STK33: variants seen among roughly 807,000 people sequenced by gnomAD.
STK33 encodes the protein serine/threonine kinase 33.
STK33 carries 52 observed loss-of-function variants against 58.0 expected under a neutral mutation model. The ratio of observed to expected loss-of-function variants is 0.90; its 90% CI spans 0.72 to 1.13. The LOEUF is 1.13. Ranked by LOEUF, STK33 falls within the 50% of genes most tolerant of loss-of-function variation. STK33 has a pLI of 0.00. For missense variants in STK33, 630 were observed against 604.2 expected (o/e 1.04, Z -0.45); for synonymous variants, 215 against 200.1 (o/e 1.07, Z -0.63).
chr11:8,428,548 G>C (rs1362071694), intron 14 of STK33, among the ~76,000 whole-genome samples: 1 of 152,148 alleles, frequency 6.6e-6, no homozygotes, highest in Non-Finnish European at 1.5e-5. Flanking sequence ...AGGAACCAGA[G>C]TCTCCTCCAG....
At chr11:8,378,822 T>C in the STK33 span, among the ~76,000 whole-genome samples, 1,041 of 151,598 alleles carry the variant, frequency 6.9e-3, 5 homozygotes, top group Admixed American at 0.013. Flanking sequence ...ACCAAAAAAG[T>C]CCCAAGTACC....
intron 1 of STK33, among the ~76,000 whole-genome samples, chr11:8,575,417 C>T (rs1413547319): frequency 6.6e-6 from 1 of 152,134 alleles, no homozygotes; most frequent in Non-Finnish European, 1.5e-5. Context: ...GACTATTATC[C>T]AGCCACAAAA....
chr11:8,342,201 A>G, the STK33 span, among the ~76,000 whole-genome samples: 2 of 152,218 alleles, frequency 1.3e-5, no homozygotes, highest in Non-Finnish European at 2.9e-5. Context: ...CTAAGCAGCT[A>G]AAACTCTGGG....
At chr11:8,360,758 C>T in the STK33 span, among the ~76,000 whole-genome samples, 3 of 152,240 alleles carry the variant, frequency 2.0e-5, no homozygotes, top group African/African-American at 7.2e-5. Context: ...CGCCTGCATT[C>T]CTTGTCATGT....
chr11:8,501,546 G>A (rs1951517140), intron 1 of STK33, among the ~76,000 whole-genome samples: 1 of 152,074 alleles, frequency 6.6e-6, no homozygotes, highest in Admixed American at 6.6e-5. Flanking sequence ...AACAAGTGCT[G>A]GAGAGTGTAT....
chr11:8,569,785 C>T (rs1957679149), intron 1 of STK33, among the ~76,000 whole-genome samples: 1 of 151,812 alleles, frequency 6.6e-6, no homozygotes, highest in South Asian at 2.1e-4. Flanking sequence ...GGCAAAACCC[C>T]ATCTCTACAA....
the STK33 span, among the ~76,000 whole-genome samples, chr11:8,382,009 A>G: frequency 6.6e-6 from 1 of 152,046 alleles, no homozygotes; most frequent in Non-Finnish European, 1.5e-5. Flanking sequence ...CTGTAACCAC[A>G]GTATGCACCG....
chr11:8,439,594 T>C (rs888813063), intron 12 of STK33, among the ~76,000 whole-genome samples: 1 of 151,596 alleles, frequency 6.6e-6, no homozygotes, highest in African/African-American at 2.4e-5. Flanking sequence ...GGAGAGAATC[T>C]TACAGAGAAA....
At chr11:8,347,661 G>C in the STK33 span, among the ~76,000 whole-genome samples, 1 of 152,218 alleles carries the variant, frequency 6.6e-6, no homozygotes, top group Non-Finnish European at 1.5e-5. Flanking sequence ...ACACTGGCCA[G>C]AACTAGTCAT....
intron 14 of STK33, among the ~76,000 whole-genome samples, chr11:8,431,356 A>T (rs2136163554): frequency 6.6e-6 from 1 of 152,314 alleles, no homozygotes; most frequent in African/African-American, 2.4e-5. Context: ...CCATCCTCTT[A>T]TATAGAGTAT....
At chr11:8,496,576 T>C (rs1461799510) in intron 1 of STK33, among the ~76,000 whole-genome samples, 1 of 151,684 alleles carries the variant, frequency 6.6e-6, no homozygotes, top group African/African-American at 2.4e-5. Context: ...GTGTGATATT[T>C]CATTTTTTTT....
chr11:8,468,962 C>CA (rs1161491440), intron 6 of STK33, among the ~76,000 whole-genome samples: 29 of 149,800 alleles, frequency 1.9e-4, no homozygotes, highest in Admixed American at 4.7e-4. Context: ...TGCTGCATTG[C>CA]AAAAAAAAAT....
Position 8,508,685 on chromosome 11 carries a change from C to A in STK33, c.-465-28071G>T, listed in dbSNP as rs1477330109. On this transcript the variant is annotated intron_variant, in intron 1 of 15. Coordinates refer to ENST00000687296, the MANE Select transcript of STK33 (RefSeq NM_001352389.2). ...TAATGGTCATGATCCAAAGTTTGAC[C>A]AAACTGGTATTGAAAAACCTCAATC... 2.0e-5 allele frequency among the ~76,000 whole-genome samples: 3 copies of A among 152,090 alleles called. No individual in the cohort carries two copies. The East Asian group carries it at 5.8e-4, about 29-fold the overall frequency.
At position 8,593,318 on chromosome 11, in the gene STK33, A is replaced by T. The variant is rs2032907970; in HGVS notation, c.-466+765T>A. 2.0e-5 allele frequency among the ~76,000 whole-genome samples: 3 copies of T among 152,122 alleles called. No individual in the cohort carries two copies. In the South Asian group the frequency reaches 6.2e-4, roughly 32 times the overall value. On this transcript the variant is annotated intron_variant, in intron 1 of 15. Coordinates refer to ENST00000687296, the MANE Select transcript of STK33 (RefSeq NM_001352389.2). ...CAGGACTATCCTATTTTCTGGTTGG[A>T]TATTGGAGTCATTTGGTGGTCAGGC...
the STK33 span, among the ~76,000 whole-genome samples, chr11:8,358,003 T>C: frequency 6.6e-6 from 1 of 152,238 alleles, no homozygotes; most frequent in African/African-American, 2.4e-5. Context: ...AGAGTCTCTC[T>C]GGCCCCGCCT....
intron 9 of STK33, among the ~76,000 whole-genome samples, chr11:8,456,917 G>C (rs558576539): frequency 1.3e-5 from 2 of 152,120 alleles, no homozygotes; most frequent in Non-Finnish European, 2.9e-5. Context: ...GCATAAGTGC[G>C]AGCAGGGGAG....
At chr11:8,571,615 C>T (rs1957812071) in intron 1 of STK33, among the ~76,000 whole-genome samples, 1 of 152,104 alleles carries the variant, frequency 6.6e-6, no homozygotes, top group African/African-American at 2.4e-5. Context: ...GGGTGGATCA[C>T]GAGGTCAGGA....
chr11:8,453,294 T>C (rs1188885985), intron 10 of STK33, among the ~76,000 whole-genome samples: 1 of 152,232 alleles, frequency 6.6e-6, no homozygotes, highest in Non-Finnish European at 1.5e-5. Flanking sequence ...ATATTATCTA[T>C]GTTTCTGATA....
intron 1 of STK33, among the ~76,000 whole-genome samples, chr11:8,528,985 T>C (rs1954291211): frequency 6.6e-6 from 1 of 152,230 alleles, no homozygotes; most frequent in Non-Finnish European, 1.5e-5. Context: ...CCCTGTTTTT[T>C]ATAATAGCAT....
Sources: allele counts gnomAD v4.1 joint callset (sites outside exome capture counted in the v4.1 genomes callset), GRCh38; gene constraint gnomAD v4.1.1; transcripts MANE v1.5; gene names NCBI Gene and HGNC (gene_info 2026-07-23, HGNC 2026-07-21).